RFX3: variants seen among roughly 807,000 people sequenced by gnomAD.
The protein encoded by RFX3 is regulatory factor X3.
RFX3 carries 14 observed loss-of-function variants against 98.6 expected under a neutral mutation model. The observed-to-expected ratio is 0.14, with a 90% CI of 0.09 to 0.22. The LOEUF is 0.22. RFX3 is among the 10% of genes least tolerant of loss of function. RFX3 has a pLI of 1.00. For missense variants in RFX3, 639 were observed against 926.9 expected, an observed-to-expected ratio of 0.69 and a Z score of 4.03; for synonymous variants, 383 against 328.4, an observed-to-expected ratio of 1.17 and a Z score of -1.80.
At chr9:3,304,693 T>C (rs1485961065) in intron 4 of RFX3, among the ~76,000 whole-genome samples, 1 of 152,044 alleles carries the variant, frequency 6.6e-6, no homozygotes, top group Non-Finnish European at 1.5e-5. Flanking sequence ...CTCTCTTGCC[T>C]GCTGCCATGT....
intron 5 of RFX3, among the ~76,000 whole-genome samples, chr9:3,297,509 A>G (rs982105015): frequency 6.6e-6 from 1 of 152,072 alleles, no homozygotes; most frequent in Non-Finnish European, 1.5e-5. Context: ...GACAAATAAA[A>G]AGAAATAAAT....
intron 7 of RFX3, among the ~76,000 whole-genome samples, chr9:3,280,419 T>C (rs1008936544): frequency 9.9e-5 from 15 of 151,714 alleles, no homozygotes; most frequent in Admixed American, 8.6e-4. Flanking sequence ...TGGCAATGGA[T>C]TGGAACTTAG....
At chr9:3,383,637 G>C (rs903222450) in intron 2 of RFX3, among the ~76,000 whole-genome samples, 13 of 152,220 alleles carry the variant, frequency 8.5e-5, no homozygotes, top group African/African-American at 3.1e-4. Flanking sequence ...GACAAAGAGA[G>C]TGGCTCCAGT....
At chr9:3,346,911 T>A (rs1252291647) in intron 2 of RFX3, 147 bp from the exon 3 acceptor site, 1 of 630,178 alleles carries the variant, frequency 1.6e-6, no homozygotes, top group African/African-American at 1.8e-5. Flanking sequence ...TGTCATAGTT[T>A]CAAGATAAGC....
chr9:3,330,958 A>T (rs989132814), intron 3 of RFX3, among the ~76,000 whole-genome samples: 35 of 152,206 alleles, frequency 2.3e-4, no homozygotes, highest in African/African-American at 8.2e-4. Flanking sequence ...CCTGGGTGAC[A>T]TCCAATAAAC....
At chr9:3,512,881 A>G (rs1268220032) in intron 1 of RFX3, among the ~76,000 whole-genome samples, 1 of 151,946 alleles carries the variant, frequency 6.6e-6, no homozygotes, top group Non-Finnish European at 1.5e-5. Context: ...ATTCAACTCC[A>G]CTTTTCAGTA....
chr9:3,336,930 G>A (rs1318789781), intron 3 of RFX3, among the ~76,000 whole-genome samples: 1 of 152,074 alleles, frequency 6.6e-6, no homozygotes, highest in Non-Finnish European at 1.5e-5. Context: ...GTGAATGCCT[G>A]GGTATGTATG....
intron 2 of RFX3, among the ~76,000 whole-genome samples, chr9:3,374,126 A>T (rs540110546): frequency 7.2e-5 from 11 of 151,760 alleles, no homozygotes; most frequent in Non-Finnish European, 1.6e-4. Flanking sequence ...AAACCCCACA[A>T]CTACCACTTT....
intron 4 of RFX3, among the ~76,000 whole-genome samples, chr9:3,305,079 CA>C (rs1224586041): frequency 2.0e-5 from 3 of 151,926 alleles, no homozygotes; most frequent in African/African-American, 7.3e-5. Context: ...TGGAAGTGTT[CA>C]GGGGGTAAAA....
At chr9:3,396,901 C>T (rs1440974838) in intron 1 of RFX3, among the ~76,000 whole-genome samples, 1 of 152,106 alleles carries the variant, frequency 6.6e-6, no homozygotes, top group Non-Finnish European at 1.5e-5. Context: ...AAACAATTAA[C>T]GTATATCCAA....
intron 15 of RFX3, among the ~76,000 whole-genome samples, chr9:3,234,329 T>C (rs1010179239): frequency 2.0e-5 from 3 of 152,158 alleles, no homozygotes; most frequent in African/African-American, 4.8e-5. Flanking sequence ...GTGTGTAACA[T>C]AGCTCTAATA....
chr9:3,491,387 C>T lies in RFX3; in HGVS notation c.-9+34360G>A, dbSNP rs143143437. Among the ~76,000 whole-genome samples the T allele has an allele frequency of 6.0e-4, 91 of 152,230 alleles. 1 individual carries two copies. The East Asian group carries it at 0.011, about 18-fold the overall frequency. On this transcript the variant is annotated intron_variant, in intron 1 of 16. Coordinates refer to ENST00000617270, the MANE Select transcript of RFX3 (RefSeq NM_001282116.2). Reference sequence around the variant, plus strand: ...CATATTATTACATTTTCTTACTTTACTCTCAGTATATTTTCTGACATGAGG... The same window carrying T: ...CATATTATTACATTTTCTTACTTTATTCTCAGTATATTTTCTGACATGAGG...
At chr9:3,276,223 C>T (rs1307328409) in intron 8 of RFX3, among the ~76,000 whole-genome samples, 1 of 152,080 alleles carries the variant, frequency 6.6e-6, no homozygotes. Context: ...GTGGTGGCTG[C>T]TTCTCCTATT....
chr9:3,463,841 G>C (rs1847949614), intron 1 of RFX3, among the ~76,000 whole-genome samples: 1 of 152,044 alleles, frequency 6.6e-6, no homozygotes, highest in Non-Finnish European at 1.5e-5. Context: ...AGGCATGGAG[G>C]TACACGCCTA....
At chr9:3,334,982 C>A (rs577843341) in intron 3 of RFX3, among the ~76,000 whole-genome samples, 25 of 152,132 alleles carry the variant, frequency 1.6e-4, no homozygotes, top group African/African-American at 5.1e-4. Context: ...ATTAGCCAGG[C>A]ATGGTGGCAC....
At chr9:3,412,008 T>C (rs2132186683) in intron 1 of RFX3, among the ~76,000 whole-genome samples, 1 of 152,312 alleles carries the variant, frequency 6.6e-6, no homozygotes, top group Admixed American at 6.5e-5. Flanking sequence ...ATTCACACCA[T>C]TTTAAACATT....
At chr9:3,433,729 A>G (rs1844865466) in intron 1 of RFX3, among the ~76,000 whole-genome samples, 1 of 152,214 alleles carries the variant, frequency 6.6e-6, no homozygotes, top group African/African-American at 2.4e-5. Context: ...TCACAATCAA[A>G]TAAGTAAAAA....
intron 2 of RFX3, among the ~76,000 whole-genome samples, chr9:3,347,645 G>C (rs1834594237): frequency 6.6e-6 from 1 of 152,004 alleles, no homozygotes. Flanking sequence ...TGACCAACAT[G>C]ATGAAACCCC....
chr9:3,261,379 C>T (rs1194647190), intron 13 of RFX3, among the ~76,000 whole-genome samples: 1 of 152,196 alleles, frequency 6.6e-6, no homozygotes, highest in South Asian at 2.1e-4. Context: ...GAATTTCATA[C>T]GAATGGAATC....
Sources: gnomAD v4.1 joint callset for allele counts (sites outside exome capture counted in the v4.1 genomes callset) on GRCh38, gnomAD v4.1.1 for gene constraint, MANE v1.5 for transcripts, NCBI Gene and HGNC (gene_info 2026-07-23, HGNC 2026-07-21) for gene names.